The following SLIT3 variants were observed in gnomAD, a reference collection of about 807,000 sequenced individuals.
The protein encoded by SLIT3 is slit guidance ligand 3.
A neutral mutation model predicts 184.0 loss-of-function variants in SLIT3; 68 were observed. The observed-to-expected ratio is 0.37, with a 90% CI of 0.30 to 0.45. SLIT3 has a LOEUF of 0.45. SLIT3 is among the 20% of genes least tolerant of loss of function. SLIT3 has a pLI of 1.00. For missense variants in SLIT3, 1,707 were observed against 2,026.0 expected (o/e 0.84, Z 3.02); for synonymous variants, 831 against 828.6 (o/e 1.00, Z -0.05).
chr5:169,229,088 G>A (rs923970241), intron 3 of SLIT3, among the ~76,000 whole-genome samples: 1 of 152,148 alleles, frequency 6.6e-6, no homozygotes, highest in African/African-American at 2.4e-5. Flanking sequence ...TTGAGAGAGA[G>A]ACAGAGACAG....
rs147197476 is a variant in SLIT3 at position 168,771,017 on chromosome 5, T to C, written c.1459+1764A>G. Among the ~76,000 whole-genome samples the C allele has an allele frequency of 1.8e-3, 267 of 152,254 alleles. 2 individuals are homozygous for C. Among genetic ancestry groups the C allele is most frequent in the African/African-American group, 5.7e-3 (237 of 41,546 alleles). On this transcript the variant is annotated intron_variant, in intron 14 of 35. Coordinates refer to ENST00000519560, the MANE Select transcript of SLIT3 (RefSeq NM_003062.4). Reference sequence around the variant, plus strand: ...TGCCACGCAGGGCCGCCACATCCATTTGGGGTCCAAAGTACTAACAGGATA... The same window carrying C: ...TGCCACGCAGGGCCGCCACATCCATCTGGGGTCCAAAGTACTAACAGGATA...
At chr5:169,112,893 C>T (rs1205360119) in intron 4 of SLIT3, among the ~76,000 whole-genome samples, 1 of 152,114 alleles carries the variant, frequency 6.6e-6, no homozygotes. Flanking sequence ...CGACTTGTCC[C>T]AGTAACTCTC....
intron 1 of SLIT3, among the ~76,000 whole-genome samples, chr5:169,276,613 C>A (rs1436641245): frequency 6.6e-6 from 1 of 152,232 alleles, no homozygotes; most frequent in African/African-American, 2.4e-5. Context: ...GCTGACTCTA[C>A]CTGCCAAAAA....
At chr5:169,069,314 T>C (rs1374069749) in intron 4 of SLIT3, among the ~76,000 whole-genome samples, 2 of 151,996 alleles carry the variant, frequency 1.3e-5, no homozygotes, top group East Asian at 3.9e-4. Context: ...GAGAGAGGAG[T>C]GACATGCACA....
chr5:169,088,467 TA>T lies in SLIT3; in HGVS notation c.413+105011del, dbSNP rs1759410747. Among the ~76,000 whole-genome samples, 3 of 150,530 alleles carry T rather than the reference TA, an allele frequency of 2.0e-5. No homozygotes were observed. In the South Asian group the frequency reaches 6.3e-4, roughly 32 times the overall value. ...ACAACAAAAACAATTGGCATAAGAA[TA>T]GCAAACCCAAAGAGAATCACAGCAT... is the stretch of plus-strand genomic sequence containing the variant. On this transcript the variant is annotated intron_variant, in intron 4 of 35. Coordinates refer to ENST00000519560, the MANE Select transcript of SLIT3 (RefSeq NM_003062.4).
intron 2 of SLIT3, among the ~76,000 whole-genome samples, chr5:169,246,136 C>T (rs1217970967): frequency 6.6e-6 from 1 of 152,170 alleles, no homozygotes. Context: ...TACTCACACC[C>T]ACACCCCGCA....
intron 7 of SLIT3, among the ~76,000 whole-genome samples, chr5:168,819,661 G>A (rs1474070348): frequency 6.6e-6 from 1 of 152,208 alleles, no homozygotes; most frequent in Non-Finnish European, 1.5e-5. Context: ...CAACAAAAAT[G>A]ACGTTTAGGT....
intron 4 of SLIT3, among the ~76,000 whole-genome samples, chr5:169,144,841 G>A (rs758198262): frequency 1.4e-4 from 21 of 152,204 alleles, no homozygotes; most frequent in Non-Finnish European, 1.5e-5. Flanking sequence ...TGCAACAGCA[G>A]TTACGAATTG....
chr5:168,774,260 C>A lies in SLIT3; in HGVS notation c.1270G>T (p.Ala424Ser), dbSNP rs147898834. 3 of 1,613,242 alleles carry A rather than the reference C, an allele frequency of 1.9e-6. No individual in the cohort carries two copies. The East Asian group carries it at 6.7e-5, about 36-fold the overall frequency. The change falls in exon 13 of 36, where the codon GCC (alanine) becomes TCC (serine). Residue 424 changes from alanine to serine, a missense_variant. By Grantham distance (99) the Ala-to-Ser change is moderately conservative. Transcript: ENST00000519560. ...KLQTISKGLF[A>S]PLQSIQTLHL... is the part of the protein sequence containing the mutation. ...AGTGTCTGGATGGACTGCAGAGGGG[C>A]GAAGAGCCCCTTGCTGATGGTCTGC...
chr5:169,114,924 A>G (rs375282561), intron 4 of SLIT3, among the ~76,000 whole-genome samples: 1 of 152,224 alleles, frequency 6.6e-6, no homozygotes, highest in Non-Finnish European at 1.5e-5. Flanking sequence ...CAGTTAGAGA[A>G]ACATTATCCA....
chr5:168,759,082 G>A (rs983120450), intron 16 of SLIT3, among the ~76,000 whole-genome samples: 1 of 152,088 alleles, frequency 6.6e-6, no homozygotes, highest in Non-Finnish European at 1.5e-5. Flanking sequence ...ACATCTCATT[G>A]TGTACATGTA....
intron 4 of SLIT3, among the ~76,000 whole-genome samples, chr5:169,137,580 A>C (rs1761567224): frequency 6.6e-6 from 1 of 151,694 alleles, no homozygotes; most frequent in Non-Finnish European, 1.5e-5. Context: ...CCCTTCATCC[A>C]CATCCCCCAA....
intron 4 of SLIT3, among the ~76,000 whole-genome samples, chr5:169,021,347 ATTC>A (rs1346075955): frequency 6.6e-6 from 1 of 152,014 alleles, no homozygotes; most frequent in African/African-American, 2.4e-5. Context: ...GTGAGATAGT[ATTC>A]TTTTTTCTTT....
chr5:169,238,749 C>T (rs1030099757), intron 3 of SLIT3, among the ~76,000 whole-genome samples: 2 of 152,010 alleles, frequency 1.3e-5, no homozygotes, highest in East Asian at 1.9e-4. Flanking sequence ...CAATGTTAGA[C>T]CTTTCCTAGG....
chr5:169,096,493 A>T (rs1370693375), intron 4 of SLIT3, among the ~76,000 whole-genome samples: 1 of 152,268 alleles, frequency 6.6e-6, no homozygotes, highest in Non-Finnish European at 1.5e-5. Flanking sequence ...TTGTGCCTGA[A>T]AAGCAGCCAT....
intron 6 of SLIT3, among the ~76,000 whole-genome samples, chr5:168,828,047 T>C (rs770306961): frequency 1.3e-5 from 2 of 152,206 alleles, no homozygotes; most frequent in Non-Finnish European, 2.9e-5. Flanking sequence ...TTAAATGTGA[T>C]ATGCTAGGCA....
chr5:168,985,837 T>TGG (rs1232046074), intron 4 of SLIT3, among the ~76,000 whole-genome samples: 5 of 151,536 alleles, frequency 3.3e-5, no homozygotes, highest in African/African-American at 1.2e-4. Flanking sequence ...GGAGGGATGA[T>TGG]GGCGGGGGGT....
In SLIT3 at chr5:169,300,586, C is replaced by T; in HGVS notation, c.124G>A (p.Ala42Thr). 6.6e-7 allele frequency: 1 copy of T among 1,512,580 alleles called. No homozygotes were observed. Among genetic ancestry groups the T allele is most frequent in the Non-Finnish European group, 8.8e-7 (1 of 1,134,532 alleles). The allele number at this position is 1,512,580 out of a possible 1,614,324, so 93.7% of individuals were successfully genotyped here. The change falls in exon 1 of 36, where the codon GCT (alanine) becomes ACT (threonine). Residue 42 changes from alanine to threonine, a missense_variant. Physicochemically the swap from Ala to Thr is moderately conservative, Grantham distance 58. Coordinates refer to ENST00000519560, the MANE Select transcript of SLIT3 (RefSeq NM_003062.4). This position sits in a 1 kb window ranked among gnomAD's most constrained non-coding sequence, Gnocchi z 4.1. Reference protein sequence around the residue: ...VACPTKCTCSAASVDCHGLGL... With the variant: ...VACPTKCTCSTASVDCHGLGL... Reference sequence around the variant, plus strand: ...AGCCCGTGGCAGTCCACGCTGGCAGCGGAGCAGGTACACTTGGTGGGGCAG... The same window carrying T: ...AGCCCGTGGCAGTCCACGCTGGCAGTGGAGCAGGTACACTTGGTGGGGCAG...
At chr5:169,083,602 G>T (rs1227612324) in intron 4 of SLIT3, among the ~76,000 whole-genome samples, 2 of 152,200 alleles carry the variant, frequency 1.3e-5, no homozygotes. Flanking sequence ...ATGTGTGTTT[G>T]TCAGTTCAGA....
Sources: gnomAD v4.1 joint callset for allele counts (sites outside exome capture counted in the v4.1 genomes callset) on GRCh38, gnomAD v4.1.1 for gene constraint, Gnocchi (gnomAD v3.1) non-coding constraint, MANE v1.5 for transcripts, NCBI Gene and HGNC (gene_info 2026-07-23, HGNC 2026-07-21) for gene names.